The following TNRC6B variants were observed in gnomAD, a reference collection of about 807,000 sequenced individuals.
TNRC6B encodes the protein trinucleotide repeat containing adaptor 6B, also known as trinucleotide repeat-containing gene 6B protein.
A neutral mutation model predicts 203.6 loss-of-function variants in TNRC6B; 52 were observed. The observed-to-expected ratio is 0.26, with a 90% confidence interval of 0.20 to 0.32. The LOEUF (loss-of-function observed/expected upper bound fraction) is 0.32, where lower values mean the gene tolerates loss of function less well. Among genes scored for constraint, TNRC6B ranks in the 10% least tolerant of loss-of-function variants. The pLI, the probability that TNRC6B is intolerant of heterozygous loss-of-function variation, is 1.00. For missense variants in TNRC6B, 1,923 were observed against 2,286.2 expected, an observed-to-expected ratio of 0.84 and a Z score of 3.24; for synonymous variants, 838 against 845.7, an observed-to-expected ratio of 0.99 and a Z score of 0.16.
chr22:40,179,180 T>A (rs146232653), intron 1 of TNRC6B, among the ~76,000 whole-genome samples: 104 of 152,284 alleles, frequency 6.8e-4, no homozygotes, highest in African/African-American at 2.4e-3. Flanking sequence ...TTACTCCTAA[T>A]GCAGGATTCT....
At chr22:40,071,468 T>C (rs867153227) in intron 1 of TNRC6B, among the ~76,000 whole-genome samples, 23 of 152,232 alleles carry the variant, frequency 1.5e-4, no homozygotes, top group African/African-American at 5.3e-4. Flanking sequence ...TACCAGCGAA[T>C]GTGGAAGCTT....
At chr22:40,261,461 C>T (rs746837513) in intron 3 of TNRC6B, among the ~76,000 whole-genome samples, 1 of 151,718 alleles carries the variant, frequency 6.6e-6, no homozygotes, top group African/African-American at 2.4e-5. Context: ...GCCTGTAATC[C>T]GAGCTACTTG....
chr22:40,145,772 G>A (rs1411041026), intron 3 of TNRC6B, among the ~76,000 whole-genome samples: 1 of 152,122 alleles, frequency 6.6e-6, no homozygotes, highest in African/African-American at 2.4e-5. Context: ...AACCCAGGAG[G>A]CAGAGGTTGC....
intron 2 of TNRC6B, among the ~76,000 whole-genome samples, chr22:40,117,697 T>C (rs2068402803): frequency 6.6e-6 from 1 of 152,204 alleles, no homozygotes; most frequent in Admixed American, 6.5e-5. Flanking sequence ...CTTTTCTCTT[T>C]TTAGAGCTTG....
rs906935201 is a variant in TNRC6B, at chr22:40,334,491, C to G, written c.*11250C>G. The G allele has an allele frequency of 6.6e-6, 1 of 152,576 alleles. No homozygotes were observed. Among genetic ancestry groups the G allele is most frequent in the Admixed American group, 6.5e-5 (1 of 15,278 alleles). The allele number at this position is 152,576 out of a possible 1,614,324, so 9.5% of individuals were successfully genotyped here. On this transcript the variant is annotated 3_prime_UTR_variant, in exon 23 of 23. Transcript: ENST00000454349. ...CTTATAACTTCACATTCTATGCCCTCCCCGCCACCCACCTCATCCCTGTTC... is the reference window on the plus strand; with the variant it reads ...CTTATAACTTCACATTCTATGCCCTGCCCGCCACCCACCTCATCCCTGTTC...
intron 1 of TNRC6B, among the ~76,000 whole-genome samples, chr22:40,074,426 G>A (rs2067986720): frequency 6.6e-6 from 1 of 151,922 alleles, no homozygotes; most frequent in African/African-American, 2.4e-5. Context: ...TAGGAGGATT[G>A]CTTGAGTCCA....
intron 1 of TNRC6B, among the ~76,000 whole-genome samples, chr22:40,103,625 T>G (rs959264076): frequency 1.3e-5 from 2 of 152,056 alleles, no homozygotes; most frequent in African/African-American, 4.8e-5. Flanking sequence ...CTATTATGAG[T>G]AATAATTCTT....
At chr22:40,300,640 T>C (rs2071010512) in intron 13 of TNRC6B, 54 bp downstream of exon 13, 3 of 1,565,960 alleles carry the variant, frequency 1.9e-6, no homozygotes, top group Middle Eastern at 1.7e-4. Context: ...TTTTTTTTTT[T>C]CTTTAGCTTT....
In TNRC6B at chr22:40,281,147, G is replaced by T. The variant is rs1171436073; in HGVS notation, c.3440G>T (p.Gly1147Val). ...ACTTTGCCTTTCTCCAATCAAGATG[G>T]GTGCCTTGGGGATGAGGCTCCCTGC... is the stretch of plus-strand genomic sequence containing the variant. Reference protein sequence around the residue: ...KLTLPFSNQDGCLGDEAPCSP... With the variant: ...KLTLPFSNQDVCLGDEAPCSP... The change falls in exon 11 of 23, where the codon GGG (glycine) becomes GTG (valine). Residue 1147 changes from glycine to valine, a missense_variant. This residue lies in a region of TNRC6B where 599 missense variants were observed against 656.5 expected (regional missense o/e 0.91). Coordinates refer to ENST00000454349, the MANE Select transcript of TNRC6B (RefSeq NM_001162501.2). 6.5e-7 allele frequency: 1 copy of T among 1,550,152 alleles called. No homozygotes were observed. Among genetic ancestry groups the T allele is most frequent in the South Asian group, 1.2e-5 (1 of 83,834 alleles).
At chr22:40,204,826 T>C (rs2069459526) in intron 1 of TNRC6B, among the ~76,000 whole-genome samples, 1 of 152,200 alleles carries the variant, frequency 6.6e-6, no homozygotes, top group Admixed American at 6.5e-5. Flanking sequence ...ATTACTTGGT[T>C]TTTATAGTGA....
intron 1 of TNRC6B, among the ~76,000 whole-genome samples, chr22:40,211,382 T>TG (rs2069560849): frequency 1.3e-5 from 1 of 76,440 alleles, no homozygotes; most frequent in African/African-American, 1.4e-4. Flanking sequence ...CCCGGCCTGT[T>TG]CTTTTTTTTC....
chr22:40,266,428 G>T lies in TNRC6B; in HGVS notation c.2198G>T (p.Gly733Val). ...NENPSKDQGWGGGRQPNQGWS... is the reference protein window; with the variant it reads ...NENPSKDQGWVGGRQPNQGWS... ...AATCCCAGCAAGGATCAGGGGTGGG[G>T]AGGTGGACGCCAGCCCAATCAAGGA... Residue 733 changes from glycine (G) to valine (V), a missense_variant, in exon 5 of 23, where the codon GGA becomes GTA. Gly to Val is a moderately radical substitution (Grantham distance 109, BLOSUM62 -3). This residue lies in a region of TNRC6B where 599 missense variants were observed against 656.5 expected (regional missense o/e 0.91). Coordinates refer to ENST00000454349, the MANE Select transcript of TNRC6B (RefSeq NM_001162501.2). The T allele has an allele frequency of 6.2e-7, 1 of 1,613,980 alleles. No homozygotes were observed. The highest frequency in any genetic ancestry group is 1.3e-5 in the African/African-American group (1 of 75,054).
chr22:40,258,595 T>A (rs2070322712), intron 3 of TNRC6B, among the ~76,000 whole-genome samples: 1 of 152,176 alleles, frequency 6.6e-6, no homozygotes, highest in South Asian at 2.1e-4. Context: ...GAGGTTTTGT[T>A]TTTTTCTTTT....
At chr22:40,207,441 A>G (rs1057448997) in intron 1 of TNRC6B, among the ~76,000 whole-genome samples, 8 of 146,232 alleles carry the variant, frequency 5.5e-5, no homozygotes, top group African/African-American at 1.7e-4. Context: ...ATATATATAT[A>G]TATGTATAAT....
intron 3 of TNRC6B, among the ~76,000 whole-genome samples, chr22:40,255,082 G>A (rs2070251322): frequency 6.6e-6 from 1 of 152,132 alleles, no homozygotes; most frequent in South Asian, 2.1e-4. Context: ...TCCCAGGGAA[G>A]GGCTTCCTGC....
Position 40,266,148 on chromosome 22 carries a change from C to T in TNRC6B, c.1918C>T (p.Pro640Ser). The T allele has an allele frequency of 6.2e-7, 1 of 1,613,890 alleles. No homozygotes were observed. The highest frequency in any genetic ancestry group is 8.5e-7 in the Non-Finnish European group (1 of 1,179,878). The change falls in exon 5 of 23, where the codon CCA (proline) becomes TCA (serine). Residue 640 changes from proline to serine, a missense_variant. This residue lies in a region of TNRC6B where 38 missense variants were observed against 70.3 expected (regional missense o/e 0.54). Coordinates refer to ENST00000454349, the MANE Select transcript of TNRC6B (RefSeq NM_001162501.2). ...CACAGTGTGGGACATTGAAGAGGTG[C>T]CAAGGCCTGAGGGGAAATCTGACAA... is the stretch of plus-strand genomic sequence containing the variant. ...QDTVWDIEEV[P>S]RPEGKSDKGT...
chr22:40,292,172 C>T (rs934190691), intron 12 of TNRC6B, among the ~76,000 whole-genome samples: 4 of 151,108 alleles, frequency 2.6e-5, no homozygotes, highest in Non-Finnish European at 5.9e-5. Flanking sequence ...CCAGCTTGGG[C>T]GACAGAGCAA....
intron 3 of TNRC6B, among the ~76,000 whole-genome samples, chr22:40,153,387 A>G (rs1334981344): frequency 1.3e-5 from 2 of 152,170 alleles, no homozygotes; most frequent in Admixed American, 1.3e-4. Context: ...CTAGAAAGCA[A>G]TCAATCCAGT....
intron 1 of TNRC6B, among the ~76,000 whole-genome samples, chr22:40,108,327 T>C (rs2068304543): frequency 6.6e-6 from 1 of 152,212 alleles, no homozygotes; most frequent in Non-Finnish European, 1.5e-5. Context: ...GCCCTGGCCA[T>C]CTCTGTCTCT....
Sources: allele counts gnomAD v4.1 joint callset (sites outside exome capture counted in the v4.1 genomes callset), GRCh38; gene constraint gnomAD v4.1.1; regional missense constraint gnomAD v4.1.1; transcripts MANE v1.5; gene names NCBI Gene and HGNC (gene_info 2026-07-23, HGNC 2026-07-21).